PKM: variants seen among roughly 807,000 people sequenced by gnomAD.
PKM encodes pyruvate kinase PKM.
In PKM, 18 loss-of-function variants were observed where a neutral mutation model predicts 49.8. The observed-to-expected ratio is 0.36, with a 90% confidence interval of 0.25 to 0.54. PKM has a LOEUF of 0.54. Among genes scored for constraint, PKM ranks in the 20% least tolerant of loss-of-function variants. The pLI, the probability that PKM is intolerant of heterozygous loss-of-function variation, is 0.89. For synonymous variants in PKM, 239 were observed against 261.8 expected (o/e 0.91, Z 0.84); for missense variants, 508 against 713.8 (o/e 0.71, Z 3.28).
chr15:72,205,601 G>A (rs896514666), intron 8 of PKM, among the ~76,000 whole-genome samples: 2 of 149,242 alleles, frequency 1.3e-5, no homozygotes, highest in Non-Finnish European at 3.0e-5. Flanking sequence ...AAAGGAAGAT[G>A]CCCAGACCAG....
intron 3 of PKM, 146 bp from the exon 4 acceptor site, chr15:72,210,624 C>T (rs995077021): frequency 1.1e-6 from 1 of 876,416 alleles, no homozygotes; most frequent in Non-Finnish European, 1.8e-6. Context: ...GATCCATGCA[C>T]TGAGAAATCC....
intron 8 of PKM, 139 bp downstream of exon 8, chr15:72,206,589 T>G: frequency 4.1e-6 from 3 of 734,208 alleles, no homozygotes; most frequent in Non-Finnish European, 4.5e-6. Context: ...ACCCCCACCC[T>G]CTTGCTGCTG....
intron 3 of PKM, among the ~76,000 whole-genome samples, chr15:72,212,413 TG>T (rs1048284417): frequency 6.6e-6 from 1 of 151,202 alleles, no homozygotes; most frequent in African/African-American, 2.4e-5. Context: ...AGGCAGAAGT[TG>T]CAGTGAGCCG....
chr15:72,229,526 G>A, intron 1 of PKM: 1 of 1,280,166 alleles, frequency 7.8e-7, no homozygotes, highest in South Asian at 1.2e-5. Flanking sequence ...CGTAGATTAA[G>A]AAGCCAAGGG....
chr15:72,220,504 C>G (rs1321915254), intron 1 of PKM, among the ~76,000 whole-genome samples: 9 of 152,204 alleles, frequency 5.9e-5, no homozygotes, highest in African/African-American at 2.2e-4. Flanking sequence ...CTATGGAAAA[C>G]TGATGGCCAC....
At position 72,200,431 on chromosome 15, in the gene PKM, C is replaced by G. The variant is rs752947742; in HGVS notation, c.1489+43G>C. ...CCCACAGAAGCCAATGCTCAAGCAT[C>G]CCCAAGCTCCTCTAGGCTCTAGCCC... On this transcript the variant is annotated intron_variant, in intron 10 of 10. Coordinates refer to ENST00000335181, the MANE Select transcript of PKM (RefSeq NM_002654.6). This position sits in a 1 kb window ranked among gnomAD's most constrained non-coding sequence, Gnocchi z 4.6. 5.6e-6 allele frequency: 9 copies of G among 1,595,660 alleles called. No individual in the cohort carries two copies. Among genetic ancestry groups the G allele is most frequent in the Non-Finnish European group, 6.9e-6 (8 of 1,165,334 alleles).
chr15:72,207,353 C>A, intron 6 of PKM, 76 bp from the exon 7 acceptor site: 1 of 1,289,110 alleles, frequency 7.8e-7, no homozygotes, highest in East Asian at 2.3e-5. Flanking sequence ...AGAAGTTTCC[C>A]TGGGATTCCC....
intron 1 of PKM, 40 bp downstream of exon 1, chr15:72,231,076 C>G: frequency 1.6e-6 from 1 of 620,652 alleles, no homozygotes. Flanking sequence ...GCGACTGGCC[C>G]TTGGTGGGGA....
At chr15:72,230,398 G>C (rs1281661071) in intron 1 of PKM, among the ~76,000 whole-genome samples, 1 of 152,230 alleles carries the variant, frequency 6.6e-6, no homozygotes, top group African/African-American at 2.4e-5. Context: ...TGGGAGCTGG[G>C]AGGCGGTGAT....
chr15:72,226,254 G>A (rs897861911), intron 1 of PKM, among the ~76,000 whole-genome samples: 1 of 152,206 alleles, frequency 6.6e-6, no homozygotes, highest in Non-Finnish European at 1.5e-5. Context: ...ATGGCCAGGC[G>A]CGGTGGCTGA....
intron 3 of PKM, among the ~76,000 whole-genome samples, chr15:72,213,394 G>T (rs2082302230): frequency 6.6e-6 from 1 of 152,124 alleles, no homozygotes; most frequent in Admixed American, 6.5e-5. Context: ...AACTTTGAAG[G>T]GGAGACAATT....
chr15:72,209,924 G>T, intron 4 of PKM, 65 bp from the exon 5 acceptor site: 3 of 1,336,192 alleles, frequency 2.2e-6, no homozygotes, highest in South Asian at 2.3e-5. Context: ...ACCTCAGAAG[G>T]AATGGAAAAG....
chr15:72,217,607 C>T, intron 2 of PKM, 107 bp from the exon 3 acceptor site: 2 of 747,882 alleles, frequency 2.7e-6, no homozygotes, highest in Non-Finnish European at 2.3e-6. Flanking sequence ...CTTTTCCTCT[C>T]CCAAATAGCT....
intron 1 of PKM, chr15:72,221,115 AT>A: frequency 1.0e-6 from 1 of 999,760 alleles, no homozygotes; most frequent in Non-Finnish European, 1.5e-6. Flanking sequence ...GACCTGAGAT[AT>A]GAGGGTCTTC....
intron 1 of PKM, among the ~76,000 whole-genome samples, chr15:72,226,084 G>A (rs1327321541): frequency 6.6e-6 from 1 of 152,146 alleles, no homozygotes; most frequent in African/African-American, 2.4e-5. Context: ...TAGTTTCAAC[G>A]TTTACAACAT....
chr15:72,224,807 T>C (rs554815135), intron 1 of PKM, among the ~76,000 whole-genome samples: 194 of 148,246 alleles, frequency 1.3e-3, no homozygotes, highest in Non-Finnish European at 2.2e-3. Context: ...TGAACGGAGA[T>C]CGCACCACTG....
At chr15:72,209,433 ATATATATG>A (rs869211363) in intron 5 of PKM, 2 of 28,120 alleles carry the variant, frequency 7.1e-5, no homozygotes, top group African/African-American at 1.3e-4. Flanking sequence ...ATATATATAT[ATATATATG>A]TATATATATA....
intron 1 of PKM, among the ~76,000 whole-genome samples, chr15:72,224,931 T>C (rs1452516418): frequency 6.9e-6 from 1 of 144,476 alleles, no homozygotes; most frequent in African/African-American, 2.5e-5. Flanking sequence ...TCTTTTTTTT[T>C]TTTTTTTTGA....
intron 1 of PKM, chr15:72,221,179 T>C (rs762453318): frequency 2.0e-6 from 3 of 1,531,630 alleles, no homozygotes; most frequent in South Asian, 1.2e-5. Flanking sequence ...TTTGGTTCTC[T>C]GGGGTTGGGC....
Sources: gnomAD v4.1 joint callset for allele counts (sites outside exome capture counted in the v4.1 genomes callset) on GRCh38, gnomAD v4.1.1 for gene constraint, Gnocchi (gnomAD v3.1) non-coding constraint, MANE v1.5 for transcripts, NCBI Gene and HGNC (gene_info 2026-07-23, HGNC 2026-07-21) for gene names.